The following MIER1 variants were observed in gnomAD, a reference collection of about 807,000 sequenced individuals.
MIER1 encodes the protein MIER1 transcriptional regulator, also known as mesoderm induction early response protein 1.
MIER1 carries 40 observed loss-of-function variants against 75.7 expected under a neutral mutation model. That is an observed-to-expected ratio of 0.53 (90% CI 0.41 to 0.69). MIER1 has a LOEUF of 0.69. Ranked by LOEUF, MIER1 falls within the 30% of genes least tolerant of loss-of-function variation. The probability of loss-of-function intolerance (pLI) is 0.00; values close to 1 mark genes in which losing one functional copy is unlikely to be tolerated. For synonymous variants in MIER1, 213 were observed against 223.4 expected, an observed-to-expected ratio of 0.95 and a Z score of 0.42; for missense variants, 574 against 680.2, an observed-to-expected ratio of 0.84 and a Z score of 1.74.
In MIER1 at chr1:66,972,957, A is replaced by G. The variant is rs199534711; in HGVS notation, c.1067A>G (p.Tyr356Cys). ...CRNFEQGLKA[Y>C]GKDFHLIQAN... ...AATTTTGAACAAGGGCTGAAGGCCT[A>G]TGGAAAGGATTTTCATTTGATTCAG... The change falls in exon 11 of 14, where the codon TAT (tyrosine) becomes TGT (cysteine). Residue 356 changes from tyrosine to cysteine, a missense_variant. Tyr to Cys is a radical substitution (Grantham distance 194). This residue lies in a region of MIER1 where 101 missense variants were observed against 173.1 expected (regional missense o/e 0.58). Transcript: ENST00000401041. 1.4e-5 allele frequency: 23 copies of G among 1,608,008 alleles called. No individual in the cohort carries two copies. The highest frequency in any genetic ancestry group is 2.2e-5 in the South Asian group (2 of 90,892).
At chr1:66,977,770 C>T (rs931890330) in intron 12 of MIER1, among the ~76,000 whole-genome samples, 5 of 151,882 alleles carry the variant, frequency 3.3e-5, no homozygotes, top group African/African-American at 4.8e-5. Flanking sequence ...CTTTACAGTG[C>T]TATCCTTAAT....
chr1:66,972,266 A>G (rs991395175), intron 10 of MIER1, among the ~76,000 whole-genome samples: 1 of 141,698 alleles, frequency 7.1e-6, no homozygotes, highest in East Asian at 2.0e-4. Context: ...ATATATAGAT[A>G]TGTAACAAAT....
chr1:66,934,619 T>C (rs532286132), intron 2 of MIER1, among the ~76,000 whole-genome samples: 143 of 149,884 alleles, frequency 9.5e-4, no homozygotes, highest in Non-Finnish European at 1.5e-3. Flanking sequence ...TTGATCAGAC[T>C]GGTCTCGAGC....
intron 4 of MIER1, among the ~76,000 whole-genome samples, chr1:66,950,403 CT>C (rs1407286059): frequency 6.6e-6 from 1 of 152,178 alleles, no homozygotes; most frequent in African/African-American, 2.4e-5. Flanking sequence ...GCTATTGCAC[CT>C]GGCCATAGAT....
In MIER1 at chr1:66,987,907, G is replaced by A. The variant is rs17129568; in HGVS notation, c.*3007G>A. 1 of 150,232 alleles carries A rather than the reference G, an allele frequency of 6.7e-6. No homozygotes were observed. The highest frequency in any genetic ancestry group is 6.6e-5 in the Admixed American group (1 of 15,254). 9.3% of individuals were successfully genotyped at this position (150,232 alleles called of 1,614,324 possible). The stretch of plus-strand genomic sequence containing the variant: ...CCACAAGAGATCCTTTCAGTCCCTA[G>A]ACCTCCATTCACTCTGTTTCTCTTC... On this transcript the variant is annotated 3_prime_UTR_variant, in exon 14 of 14. Coordinates refer to ENST00000401041, the MANE Select transcript of MIER1 (RefSeq NM_001077700.3).
At chr1:66,979,707 C>T (rs560336105) in intron 12 of MIER1, among the ~76,000 whole-genome samples, 1 of 151,572 alleles carries the variant, frequency 6.6e-6, no homozygotes, top group Non-Finnish European at 1.5e-5. Context: ...AGAATTATGA[C>T]TATATCCAGA....
At chr1:66,950,842 C>A (rs1424503607) in intron 4 of MIER1, among the ~76,000 whole-genome samples, 1 of 152,106 alleles carries the variant, frequency 6.6e-6, no homozygotes, top group Non-Finnish European at 1.5e-5. Flanking sequence ...GGAACCATCT[C>A]TCTAGTTCAG....
Position 66,985,146 on chromosome 1 carries a change from C to T in MIER1, c.*246C>T. On this transcript the variant is annotated 3_prime_UTR_variant, in exon 14 of 14. Transcript: ENST00000401041. ...GAATGAACTAAAGATATATCTCTACCTTCTCATTTGAATATCTTTAGTTCA... is the reference window on the plus strand; with the variant it reads ...GAATGAACTAAAGATATATCTCTACTTTCTCATTTGAATATCTTTAGTTCA... 9.3e-7 allele frequency: 1 copy of T among 1,072,554 alleles called. No homozygotes were observed. Among genetic ancestry groups the T allele is most frequent in the Non-Finnish European group, 1.1e-6 (1 of 873,108 alleles). The allele number at this position is 1,072,554 out of a possible 1,614,324, so 66.4% of individuals were successfully genotyped here. A position where few individuals can be genotyped will look rare whatever the true frequency, so the allele number is the denominator to read the frequency against.
intron 12 of MIER1, among the ~76,000 whole-genome samples, chr1:66,980,996 T>C (rs1287175309): frequency 6.6e-6 from 1 of 152,182 alleles, no homozygotes; most frequent in Admixed American, 6.5e-5. Flanking sequence ...CCACAGGCTA[T>C]AGTTGGCTGA....
At chr1:66,930,459 G>A in intron 2 of MIER1, 1 of 1,581,770 alleles carries the variant, frequency 6.3e-7, no homozygotes, top group Non-Finnish European at 8.6e-7. Flanking sequence ...CCCTGGGCCG[G>A]GGAGGAGTGG....
chr1:66,955,336 G>GTT (rs34006160), intron 4 of MIER1, among the ~76,000 whole-genome samples: 33,112 of 59,800 alleles, frequency 0.55, 12,517 homozygotes, highest in East Asian at 0.78. Flanking sequence ...CATCACCTGA[G>GTT]TTTTTTTTTT....
chr1:66,947,601 A>G (rs1657953992), intron 4 of MIER1: 1 of 152,194 alleles, frequency 6.6e-6, no homozygotes. Context: ...CTATTGCAGT[A>G]GCTTCCTGAC....
intron 4 of MIER1, chr1:66,947,351 A>T (rs1349754417): frequency 6.6e-6 from 1 of 152,174 alleles, no homozygotes; most frequent in Non-Finnish European, 1.5e-5. Flanking sequence ...TCTCTAAATT[A>T]TAAATGTCCA....
chr1:66,948,585 A>C (rs1241635724), intron 4 of MIER1, among the ~76,000 whole-genome samples: 1 of 152,190 alleles, frequency 6.6e-6, no homozygotes, highest in Non-Finnish European at 1.5e-5. Context: ...AAAGTCTTTC[A>C]AGAATGGGTT....
chr1:66,973,736 C>T (rs996386836), intron 11 of MIER1, among the ~76,000 whole-genome samples: 2 of 151,972 alleles, frequency 1.3e-5, no homozygotes. Context: ...TTAGGACAGG[C>T]AGAATTAAAG....
In MIER1 at chr1:66,958,076, T is replaced by A. The variant is rs755273407; in HGVS notation, c.357T>A (p.Ile119=). ...EDLAREGDMP[I]HELLSLYGYG... ...TTATTTAGGAAGGCGACATGCCAAT[T>A]CATGAACTTCTCAGCCTTTATGGTT... Residue 119 remains isoleucine (I), a synonymous_variant, in exon 5 of 14, where the codon ATT becomes ATA. Coordinates refer to ENST00000401041, the MANE Select transcript of MIER1 (RefSeq NM_001077700.3). 6.3e-7 allele frequency: 1 copy of A among 1,588,668 alleles called. No individual in the cohort carries two copies. The highest frequency in any genetic ancestry group is 1.2e-5 in the South Asian group (1 of 86,504).
At chr1:66,930,273 G>C (rs1652809863) in intron 2 of MIER1, 8 of 1,530,688 alleles carry the variant, frequency 5.2e-6, no homozygotes. Context: ...CCGAGGCAGT[G>C]GCGGCGGGAG....
At chr1:66,925,210 G>T (rs1214039592) in intron 1 of MIER1, 115 bp downstream of exon 1, 6 of 1,402,316 alleles carry the variant, frequency 4.3e-6, no homozygotes, top group African/African-American at 1.5e-5. Context: ...GCAGTGTACC[G>T]CCCGGAAGAC....
At chr1:66,936,584 ATGT>A (rs1558025928) in intron 2 of MIER1, among the ~76,000 whole-genome samples, 1 of 151,982 alleles carries the variant, frequency 6.6e-6, no homozygotes, top group African/African-American at 2.4e-5. Context: ...TTAATGGTAG[ATGT>A]TGTGGGTTCT....
Sources: gnomAD v4.1 joint callset for allele counts (sites outside exome capture counted in the v4.1 genomes callset) on GRCh38, gnomAD v4.1.1 for gene constraint, gnomAD v4.1.1 regional missense constraint, MANE v1.5 for transcripts, NCBI Gene and HGNC (gene_info 2026-07-23, HGNC 2026-07-21) for gene names.